The following TMEM130 variants were observed in gnomAD, a reference collection of about 807,000 sequenced individuals.
The protein encoded by TMEM130 is transmembrane protein 130.
In TMEM130, 37 loss-of-function variants were observed where a neutral mutation model predicts 42.9. The observed-to-expected ratio is 0.86, with a 90% CI of 0.66 to 1.13. The LOEUF is 1.13. TMEM130 is among the 50% of genes most tolerant of loss of function. The pLI is 0.00. For synonymous variants in TMEM130, 259 were observed against 237.7 expected, an observed-to-expected ratio of 1.09 and a Z score of -0.82; for missense variants, 545 against 562.6, an observed-to-expected ratio of 0.97 and a Z score of 0.32.
chr7:98,859,615 C>T lies in TMEM130; in HGVS notation c.551+564G>A, dbSNP rs1444710070. Among the ~76,000 whole-genome samples, 4 of 151,926 alleles carry T rather than the reference C, an allele frequency of 2.6e-5. No homozygotes were observed. In the South Asian group the frequency reaches 6.2e-4, roughly 24 times the overall value. ...TTCAGGTGGGTGCAGTGGTTCACAC[C>T]TGTAGTCCCAGTATTTTGGGAGGCC... is the stretch of plus-strand genomic sequence containing the variant. On this transcript the variant is annotated intron_variant, in intron 3 of 7. Transcript: ENST00000339375.
At chr7:98,859,734 T>TA (rs1794715333) in intron 3 of TMEM130, among the ~76,000 whole-genome samples, 1 of 147,708 alleles carries the variant, frequency 6.8e-6, no homozygotes, top group African/African-American at 2.5e-5. Flanking sequence ...ATAAATAAAT[T>TA]AATTAATTAA....
At chr7:98,850,273 A>ATTTTTTTTTTTTTTTTTTTTT (rs1554398023) in intron 6 of TMEM130, among the ~76,000 whole-genome samples, 5 of 35,462 alleles carry the variant, frequency 1.4e-4, no homozygotes, top group Non-Finnish European at 2.5e-4. Flanking sequence ...ATATATATAT[A>ATTTTTTTTTTTTTTTTTTTTT]TTTTTTTTTT....
intron 5 of TMEM130, among the ~76,000 whole-genome samples, chr7:98,853,131 C>T (rs879963264): frequency 6.6e-6 from 1 of 152,194 alleles, no homozygotes; most frequent in African/African-American, 2.4e-5. Context: ...GCCATGCACT[C>T]ATGCCACCTC....
chr7:98,850,273 A>ATATATATTTTTTTTTTTTTTTTT, intron 6 of TMEM130, among the ~76,000 whole-genome samples: 24 of 35,450 alleles, frequency 6.8e-4, no homozygotes, highest in African/African-American at 1.4e-3. Flanking sequence ...ATATATATAT[A>ATATATATTTTTTTTTTTTTTTTT]TTTTTTTTTT....
chr7:98,864,751 T>A (rs1426795365), intron 1 of TMEM130, among the ~76,000 whole-genome samples: 1 of 151,942 alleles, frequency 6.6e-6, no homozygotes, highest in African/African-American at 2.4e-5. Flanking sequence ...ATACAAAAAA[T>A]TAGCTGGGTG....
At position 98,847,995 on chromosome 7, in the gene TMEM130, C is replaced by G. The variant is rs1794397668; in HGVS notation, c.*61G>C. On this transcript the variant is annotated 3_prime_UTR_variant, in exon 8 of 8. Transcript: ENST00000339375. ...CTCCTGGTCAGTGGTGCACACCACC[C>G]TGCTGGAAACTCCAAGTCAGCAGTC... 3 of 1,534,916 alleles carry G rather than the reference C, an allele frequency of 2.0e-6. No individual in the cohort carries two copies.
Position 98,863,205 on chromosome 7 carries a change from C to T in TMEM130, c.281G>A (p.Arg94His), listed in dbSNP as rs375254144. 7.4e-6 allele frequency: 12 copies of T among 1,614,082 alleles called. No individual in the cohort carries two copies. The highest frequency in any genetic ancestry group is 6.7e-5 in the East Asian group (3 of 44,884). Residue 94 changes from arginine to histidine, a missense_variant, in exon 2 of 8, where the codon CGT becomes CAT. Coordinates refer to ENST00000339375, the MANE Select transcript of TMEM130 (RefSeq NM_152913.3). ...TTCCCCGGGCACGTGGCCGACCACACGGATGGTGGAGCTGAGACCCTTCTC... is the reference window on the plus strand; with the variant it reads ...TTCCCCGGGCACGTGGCCGACCACATGGATGGTGGAGCTGAGACCCTTCTC... ...KMEKGLSSTI[R>H]VVGHVPGEFP... is the part of the protein sequence containing the mutation.
intron 3 of TMEM130, among the ~76,000 whole-genome samples, chr7:98,858,582 G>C (rs1413930645): frequency 6.6e-6 from 1 of 152,074 alleles, no homozygotes; most frequent in East Asian, 1.9e-4. Context: ...CAAGCACAGT[G>C]GTTCACACCT....
Position 98,847,680 on chromosome 7 carries a change from AC to A in TMEM130, c.*375del, listed in dbSNP as rs1584230885. On this transcript the variant is annotated 3_prime_UTR_variant, in exon 8 of 8. Coordinates refer to ENST00000339375, the MANE Select transcript of TMEM130 (RefSeq NM_152913.3). ...GGCTGTCTGGGGGAGGAAACTGAGA[AC>A]CCCCAATGGACAGCAGATGTGCCAA... is the stretch of plus-strand genomic sequence containing the variant. 1.2e-5 allele frequency: 2 copies of A among 171,818 alleles called. No individual in the cohort carries two copies. Among genetic ancestry groups the A allele is most frequent in the East Asian group, 3.2e-4 (2 of 6,346 alleles). The allele number at this position is 171,818 out of a possible 1,614,324, so 10.6% of individuals were successfully genotyped here. A position where few individuals can be genotyped will look rare whatever the true frequency, so the allele number is the denominator to read the frequency against.
chr7:98,867,242 C>T (rs782413303), intron 1 of TMEM130, among the ~76,000 whole-genome samples: 41 of 152,136 alleles, frequency 2.7e-4, no homozygotes, highest in Admixed American at 4.6e-4. Context: ...GGGAGCTTTT[C>T]CACGCAAACA....
chr7:98,861,586 G>T (rs1488487020), intron 2 of TMEM130, among the ~76,000 whole-genome samples: 1 of 152,076 alleles, frequency 6.6e-6, no homozygotes. Context: ...GTGGTGGCCA[G>T]CACCTGTAGT....
At chr7:98,868,626 G>T (rs1554400958) in intron 1 of TMEM130, among the ~76,000 whole-genome samples, 1 of 152,164 alleles carries the variant, frequency 6.6e-6, no homozygotes, top group Admixed American at 6.5e-5. Flanking sequence ...GGGTAGAAAA[G>T]TCTCCCCGAC....
chr7:98,850,288 T>TTTTTTTTTTTTTTTTTTA (rs1554398034), intron 6 of TMEM130, among the ~76,000 whole-genome samples: 6 of 112,518 alleles, frequency 5.3e-5, no homozygotes, highest in African/African-American at 1.8e-4. Context: ...TTTTTTTTTT[T>TTTTTTTTTTTTTTTTTTA]AATTTTTTGA....
In TMEM130 at chr7:98,869,946, GGCGCGCAGC is replaced by G. The variant is rs1443710727; in HGVS notation, c.-94_-86del. 1.7e-4 allele frequency: 171 copies of G among 1,008,908 alleles called. No individual in the cohort carries two copies. The highest frequency in any genetic ancestry group is 2.1e-4 in the Non-Finnish European group (163 of 779,118). The allele number at this position is 1,008,908 out of a possible 1,614,324, so 62.5% of individuals were successfully genotyped here. A position where few individuals can be genotyped will look rare whatever the true frequency, so the allele number is the denominator to read the frequency against. ...GAGAACTGCGGCGGTCGCTCCTCCGGGCGCGCAGCGCGGGCGGTGCGGGGAGGTGCGGGC... is the reference window on the plus strand; with the variant it reads ...GAGAACTGCGGCGGTCGCTCCTCCGGGCGGGCGGTGCGGGGAGGTGCGGGC... On this transcript the variant is annotated 5_prime_UTR_variant, in exon 1 of 8. Transcript: ENST00000339375. The surrounding 1 kb of genome is among the most constrained non-coding windows in gnomAD (Gnocchi z 4.7).
chr7:98,849,737 G>A (rs1794444632), intron 6 of TMEM130, among the ~76,000 whole-genome samples: 1 of 152,152 alleles, frequency 6.6e-6, no homozygotes, highest in Non-Finnish European at 1.5e-5. Flanking sequence ...CCCAGGACCA[G>A]GAATCTGAAA....
chr7:98,860,456 G>C, intron 2 of TMEM130, 118 bp from the exon 3 acceptor site: 1 of 1,087,968 alleles, frequency 9.2e-7, no homozygotes, highest in Non-Finnish European at 1.3e-6. Flanking sequence ...CCTTCTGGCT[G>C]TCAGAGCTAG....
chr7:98,864,554 T>C (rs1554400389), intron 1 of TMEM130, among the ~76,000 whole-genome samples: 4 of 151,600 alleles, frequency 2.6e-5, no homozygotes, highest in Non-Finnish European at 1.5e-5. Flanking sequence ...GCTGGTCTCA[T>C]GCCTCTGGAT....
In TMEM130 at chr7:98,869,423, TC is replaced by T. The variant is rs1554401050; in HGVS notation, c.85+353del. The stretch of plus-strand genomic sequence containing the variant: ...TGGCGCGATGACGGACCCTGGCGCA[TC>T]CCCGCCTCCCTGCCTCGTCCTCCCC... On this transcript the variant is annotated intron_variant, in intron 1 of 7. Coordinates refer to ENST00000339375, the MANE Select transcript of TMEM130 (RefSeq NM_152913.3). The surrounding 1 kb of genome is among the most constrained non-coding windows in gnomAD (Gnocchi z 4.7). The T allele has an allele frequency of 1.6e-5, 19 of 1,204,670 alleles. No individual in the cohort carries two copies. Among genetic ancestry groups the T allele is most frequent in the Non-Finnish European group, 1.7e-5 (16 of 954,004 alleles). The allele number at this position is 1,204,670 out of a possible 1,614,324, so 74.6% of individuals were successfully genotyped here. A position where few individuals can be genotyped will look rare whatever the true frequency, so the allele number is the denominator to read the frequency against.
intron 3 of TMEM130, among the ~76,000 whole-genome samples, chr7:98,859,446 G>T (rs1390328741): frequency 2.0e-5 from 3 of 152,152 alleles, no homozygotes; most frequent in African/African-American, 7.2e-5. Flanking sequence ...GGCACCAATG[G>T]CCTCCTCTAT....
Sources: allele counts gnomAD v4.1 joint callset (sites outside exome capture counted in the v4.1 genomes callset), GRCh38; gene constraint gnomAD v4.1.1; non-coding constraint Gnocchi (gnomAD v3.1); transcripts MANE v1.5; gene names NCBI Gene and HGNC (gene_info 2026-07-23, HGNC 2026-07-21).